ARHGAP44: variants seen among roughly 807,000 people sequenced by gnomAD.
ARHGAP44 encodes Rho GTPase activating protein 44.
A neutral mutation model predicts 106.8 loss-of-function variants in ARHGAP44; 43 were observed. The observed-to-expected ratio is 0.40, with a 90% confidence interval of 0.32 to 0.52. The LOEUF (loss-of-function observed/expected upper bound fraction) is 0.52, where lower values mean the gene tolerates loss of function less well. Ranked by LOEUF, ARHGAP44 falls within the 20% of genes least tolerant of loss-of-function variation. The pLI is 0.48. For synonymous variants in ARHGAP44, 439 were observed against 410.3 expected (o/e 1.07, Z -0.85); for missense variants, 866 against 1,050.5 (o/e 0.82, Z 2.43).
chr17:12,907,866 T>G (rs2037602311), intron 3 of ARHGAP44, among the ~76,000 whole-genome samples: 1 of 152,210 alleles, frequency 6.6e-6, no homozygotes, highest in South Asian at 2.1e-4. Flanking sequence ...ATAATTCTGC[T>G]TAACTTATTG....
intron 5 of ARHGAP44, among the ~76,000 whole-genome samples, chr17:12,919,085 A>G (rs1047061754): frequency 6.6e-6 from 1 of 152,220 alleles, no homozygotes; most frequent in Non-Finnish European, 1.5e-5. Context: ...ACGATGGTTA[A>G]TGATACTGTA....
intron 1 of ARHGAP44, among the ~76,000 whole-genome samples, chr17:12,817,234 A>G (rs966932280): frequency 6.6e-6 from 1 of 152,092 alleles, no homozygotes; most frequent in Non-Finnish European, 1.5e-5. Flanking sequence ...AAAACACAAC[A>G]TATCAAAATT....
chr17:12,880,857 C>T (rs564640633), intron 1 of ARHGAP44, among the ~76,000 whole-genome samples: 3 of 152,136 alleles, frequency 2.0e-5, no homozygotes, highest in African/African-American at 7.2e-5. Context: ...ACAAGTTATC[C>T]TTATAGTAGT....
At chr17:12,955,672 C>T in intron 13 of ARHGAP44, 195 bp from the exon 14 acceptor site, 1 of 514,384 alleles carries the variant, frequency 1.9e-6, no homozygotes, top group Non-Finnish European at 3.5e-6. Flanking sequence ...CCAGTGAGAT[C>T]TGAGCCTGCC....
intron 1 of ARHGAP44, among the ~76,000 whole-genome samples, chr17:12,801,603 A>G (rs2034094702): frequency 6.6e-6 from 1 of 152,252 alleles, no homozygotes; most frequent in African/African-American, 2.4e-5. Context: ...AAATTCTGGT[A>G]CATTTGCACA....
chr17:12,919,118 G>A (rs1192543312), intron 5 of ARHGAP44, among the ~76,000 whole-genome samples: 1 of 152,170 alleles, frequency 6.6e-6, no homozygotes, highest in African/African-American at 2.4e-5. Context: ...AATTTGCTAA[G>A]AGGATAGATC....
chr17:12,920,681 G>T (rs1425185208), intron 6 of ARHGAP44, among the ~76,000 whole-genome samples: 1 of 152,166 alleles, frequency 6.6e-6, no homozygotes, highest in Non-Finnish European at 1.5e-5. Context: ...GCTATGTCCT[G>T]TCCATTACAG....
intron 1 of ARHGAP44, among the ~76,000 whole-genome samples, chr17:12,848,275 G>A (rs9901623): frequency 0.013 from 1,970 of 152,214 alleles, 42 homozygotes; most frequent in African/African-American, 0.043. Flanking sequence ...TTGACTCAAA[G>A]GGTAGAAGTG....
intron 6 of ARHGAP44, among the ~76,000 whole-genome samples, chr17:12,922,307 T>C (rs2038105115): frequency 6.6e-6 from 1 of 152,202 alleles, no homozygotes; most frequent in South Asian, 2.1e-4. Flanking sequence ...GAGACTAACC[T>C]CTTTAGCGTG....
intron 1 of ARHGAP44, among the ~76,000 whole-genome samples, chr17:12,824,665 A>G (rs2034867207): frequency 6.6e-6 from 1 of 152,120 alleles, no homozygotes; most frequent in African/African-American, 2.4e-5. Context: ...TCCCCAGGAT[A>G]ATAATTATTT....
chr17:12,984,634 C>A lies in ARHGAP44; in HGVS notation c.2043C>A (p.Pro681=). The change falls in exon 20 of 21, where the codon CCC becomes CCA. Residue 681 remains proline, a synonymous_variant. Transcript: ENST00000379672. ...AGCCGTCCCCAGTCAGCCTGTCCCCCACCCCGCCCAGCACCCCGTCACCCT... is the reference window on the plus strand; with the variant it reads ...AGCCGTCCCCAGTCAGCCTGTCCCCAACCCCGCCCAGCACCCCGTCACCCT... The part of the protein sequence containing the change: ...AGQPSPVSLS[P]TPPSTPSPYG... The A allele has an allele frequency of 3.1e-6, 5 of 1,612,370 alleles. No homozygotes were observed. The highest frequency in any genetic ancestry group is 4.2e-6 in the Non-Finnish European group (5 of 1,179,450).
intron 1 of ARHGAP44, among the ~76,000 whole-genome samples, chr17:12,867,821 C>A (rs562265446): frequency 6.6e-6 from 1 of 152,284 alleles, no homozygotes; most frequent in African/African-American, 2.4e-5. Context: ...ATGCCATGGT[C>A]TCTGACAAAC....
chr17:12,948,747 C>T (rs972339542), intron 10 of ARHGAP44, among the ~76,000 whole-genome samples: 5 of 151,384 alleles, frequency 3.3e-5, no homozygotes, highest in Non-Finnish European at 5.9e-5. Flanking sequence ...CACACACACA[C>T]ACACCCCCTG....
chr17:12,809,302 C>T (rs535162152), intron 1 of ARHGAP44, among the ~76,000 whole-genome samples: 3 of 152,314 alleles, frequency 2.0e-5, no homozygotes, highest in East Asian at 1.9e-4. Context: ...CAGAGCCCCA[C>T]TCCCGGTACC....
At chr17:12,887,537 G>T (rs1379776382) in intron 1 of ARHGAP44, among the ~76,000 whole-genome samples, 2 of 152,122 alleles carry the variant, frequency 1.3e-5, no homozygotes, top group African/African-American at 2.4e-5. Flanking sequence ...ACCATGCCCA[G>T]CCTATTTACT....
intron 1 of ARHGAP44, among the ~76,000 whole-genome samples, chr17:12,869,274 A>G (rs973549193): frequency 2.6e-5 from 4 of 152,186 alleles, no homozygotes; most frequent in African/African-American, 9.7e-5. Flanking sequence ...TTTGGAGAGA[A>G]TCTAAAACAT....
intron 1 of ARHGAP44, among the ~76,000 whole-genome samples, chr17:12,859,109 A>G (rs1448418764): frequency 6.6e-6 from 1 of 152,156 alleles, no homozygotes; most frequent in Non-Finnish European, 1.5e-5. Flanking sequence ...TTAATCCAAT[A>G]TGACTGTGGA....
intron 1 of ARHGAP44, among the ~76,000 whole-genome samples, chr17:12,858,131 C>T (rs8082179): frequency 0.53 from 81,339 of 152,042 alleles, 24,464 homozygotes; most frequent in East Asian, 0.65. Flanking sequence ...CCTTTGGCTA[C>T]GTATTAGTCC....
intron 16 of ARHGAP44, among the ~76,000 whole-genome samples, chr17:12,962,250 C>A (rs1404304734): frequency 6.6e-6 from 1 of 152,108 alleles, no homozygotes; most frequent in Non-Finnish European, 1.5e-5. Flanking sequence ...TCATACAAAG[C>A]TTCTTACTTC....
Sources: allele counts gnomAD v4.1 joint callset (sites outside exome capture counted in the v4.1 genomes callset), GRCh38; gene constraint gnomAD v4.1.1; transcripts MANE v1.5; gene names NCBI Gene and HGNC (gene_info 2026-07-23, HGNC 2026-07-21).